The following COL21A1 variants were observed in gnomAD, a reference collection of about 807,000 sequenced individuals.
COL21A1 encodes the protein collagen type XXI alpha 1 chain, also known as collagen alpha-1(XXI) chain.
In COL21A1, 149 loss-of-function variants were observed where a neutral mutation model predicts 137.9. The observed-to-expected ratio is 1.08, with a 90% CI of 0.95 to 1.24. The LOEUF (loss-of-function observed/expected upper bound fraction) is 1.24, where lower values mean the gene tolerates loss of function less well. Among genes scored for constraint, COL21A1 ranks in the 50% most tolerant of loss-of-function variants. The pLI, the probability that COL21A1 is intolerant of heterozygous loss-of-function variation, is 0.00. For synonymous variants in COL21A1, 456 were observed against 391.5 expected (o/e 1.16, Z -1.95); for missense variants, 1,167 against 1,158.4 (o/e 1.01, Z -0.11).
chr6:56,269,133 T>A (rs1925140), intron 1 of COL21A1, among the ~76,000 whole-genome samples: 60,223 of 152,030 alleles, frequency 0.4, 13,450 homozygotes, highest in African/African-American at 0.59. Flanking sequence ...AACCTACAAC[T>A]ATTGACACTC....
chr6:56,208,479 G>A (rs985759825), intron 1 of COL21A1, among the ~76,000 whole-genome samples: 6 of 152,114 alleles, frequency 3.9e-5, no homozygotes. Flanking sequence ...GGATGTGAAG[G>A]ATTCTTCAAT....
At chr6:56,339,892 T>C (rs1430428810) in intron 1 of COL21A1, among the ~76,000 whole-genome samples, 1 of 152,140 alleles carries the variant, frequency 6.6e-6, no homozygotes, top group Non-Finnish European at 1.5e-5. Context: ...AAAAAATATA[T>C]AAATGCAAGC....
At chr6:56,327,216 A>G (rs1765116450) in intron 1 of COL21A1, among the ~76,000 whole-genome samples, 1 of 151,892 alleles carries the variant, frequency 6.6e-6, no homozygotes, top group Admixed American at 6.6e-5. Flanking sequence ...GATTTCATGA[A>G]TTTGTTTTTA....
chr6:56,108,212 C>T (rs1232705385), intron 16 of COL21A1, among the ~76,000 whole-genome samples: 1 of 151,832 alleles, frequency 6.6e-6, no homozygotes, highest in Admixed American at 6.6e-5. Context: ...GCATAATTTA[C>T]ATAATAACAA....
At chr6:56,309,518 C>A (rs896356233) in intron 1 of COL21A1, among the ~76,000 whole-genome samples, 1 of 152,148 alleles carries the variant, frequency 6.6e-6, no homozygotes, top group African/African-American at 2.4e-5. Context: ...AAATAGCCAT[C>A]ACATGTCTTA....
chr6:56,128,508 C>A lies in COL21A1; in HGVS notation c.1543-2359G>T, dbSNP rs561252591. ...TCTGGCTGTGCCATTTCATTGGATG[C>A]TGTTCTAGATGTCAGTAGACTTCCC... On this transcript the variant is annotated intron_variant, in intron 12 of 29. Transcript: ENST00000244728. Among the ~76,000 whole-genome samples the A allele has an allele frequency of 3.9e-5, 6 of 152,264 alleles. No individual in the cohort carries two copies. In the East Asian group the frequency reaches 9.7e-4, roughly 25 times the overall value.
At chr6:56,386,558 G>A (rs2094018643) in intron 1 of COL21A1, among the ~76,000 whole-genome samples, 1 of 151,542 alleles carries the variant, frequency 6.6e-6, no homozygotes, top group Non-Finnish European at 1.5e-5. Flanking sequence ...AAGGTATGAG[G>A]GTTCCAATTT....
intron 1 of COL21A1, among the ~76,000 whole-genome samples, chr6:56,184,003 G>A (rs1462347020): frequency 6.6e-6 from 1 of 151,838 alleles, no homozygotes; most frequent in Admixed American, 6.6e-5. Context: ...GAAACCCCAA[G>A]GCATAAAAAC....
chr6:56,160,521 A>G (rs1347995728), intron 9 of COL21A1, among the ~76,000 whole-genome samples: 1 of 152,208 alleles, frequency 6.6e-6, no homozygotes, highest in Non-Finnish European at 1.5e-5. Context: ...ATGGAAAAAA[A>G]AATTCCCCAA....
chr6:56,116,387 T>C (rs1050924403), intron 16 of COL21A1, among the ~76,000 whole-genome samples: 3 of 106,760 alleles, frequency 2.8e-5, no homozygotes, highest in Non-Finnish European at 5.5e-5. Flanking sequence ...ATTTTTTAAG[T>C]GCCAAAGGTA....
At chr6:56,060,611 G>A in intron 27 of COL21A1, 130 bp downstream of exon 27, 1 of 599,918 alleles carries the variant, frequency 1.7e-6, no homozygotes, top group Non-Finnish European at 2.8e-6. Flanking sequence ...TTGAAGAAAA[G>A]TAGATGAGGC....
intron 17 of COL21A1, 77 bp from the exon 18 acceptor site, chr6:56,077,650 G>T: frequency 1.2e-6 from 1 of 827,046 alleles, no homozygotes; most frequent in Non-Finnish European, 1.9e-6. Flanking sequence ...AGTCACAATT[G>T]GAATTTTAAC....
In COL21A1 at chr6:56,101,468, TCA is replaced by T; in HGVS notation, c.1812+2_1812+3del. On this transcript the variant is annotated splice_donor_variant and splice_donor_region_variant and intron_variant, in intron 17 of 29. Coordinates refer to ENST00000244728, the MANE Select transcript of COL21A1 (RefSeq NM_030820.4). LOFTEE classifies it high-confidence loss of function. ...TTTTAGAACTGAAATGAGAAGGTAC[TCA>T]CAGGCTCTCCCCGTGTTCCATCCTG... 1 of 1,589,068 alleles carries T rather than the reference TCA, an allele frequency of 6.3e-7. No homozygotes were observed. Among genetic ancestry groups the T allele is most frequent in the Non-Finnish European group, 8.6e-7 (1 of 1,164,898 alleles).
At chr6:56,113,583 G>T (rs533704778) in intron 16 of COL21A1, among the ~76,000 whole-genome samples, 1 of 152,258 alleles carries the variant, frequency 6.6e-6, no homozygotes, top group East Asian at 1.9e-4. Flanking sequence ...CTACACCAAG[G>T]GCCTTGGTGA....
At chr6:56,202,028 A>C (rs1263317664) in intron 1 of COL21A1, among the ~76,000 whole-genome samples, 4 of 152,150 alleles carry the variant, frequency 2.6e-5, no homozygotes, top group Non-Finnish European at 5.9e-5. Context: ...TCCAATTGAA[A>C]AAGTTCAGAA....
At chr6:56,311,439 T>C (rs1764612201) in intron 1 of COL21A1, among the ~76,000 whole-genome samples, 1 of 152,170 alleles carries the variant, frequency 6.6e-6, no homozygotes. Context: ...AGGAAGAACA[T>C]TGAGAAGAAA....
At chr6:56,187,897 A>G (rs562810481) in intron 1 of COL21A1, among the ~76,000 whole-genome samples, 177 of 152,354 alleles carry the variant, frequency 1.2e-3, no homozygotes, top group Non-Finnish European at 5.7e-4. Context: ...TTTGCATTAA[A>G]TATTTCTGAC....
chr6:56,297,745 G>A (rs1339803721), intron 1 of COL21A1, among the ~76,000 whole-genome samples: 1 of 152,086 alleles, frequency 6.6e-6, no homozygotes, highest in East Asian at 1.9e-4. Flanking sequence ...TATACACAAT[G>A]AAGTTATGGT....
intron 1 of COL21A1, among the ~76,000 whole-genome samples, chr6:56,259,492 A>G (rs1192160006): frequency 1.3e-5 from 2 of 152,196 alleles, no homozygotes; most frequent in Non-Finnish European, 2.9e-5. Flanking sequence ...AAATGTTAGG[A>G]TATGTTTTCA....
Sources: allele counts gnomAD v4.1 joint callset (sites outside exome capture counted in the v4.1 genomes callset), GRCh38; gene constraint gnomAD v4.1.1; transcripts MANE v1.5; gene names NCBI Gene and HGNC (gene_info 2026-07-23, HGNC 2026-07-21).